The following LRRC4C variants were observed in gnomAD, a reference collection of about 807,000 sequenced individuals.
LRRC4C encodes the protein leucine-rich repeat-containing protein 4C.
Under a neutral mutation model 33.6 loss-of-function variants are expected in LRRC4C, and 5 were observed. That is an observed-to-expected ratio of 0.15 (90% CI 0.08 to 0.31). The LOEUF is 0.31. LRRC4C is among the 10% of genes least tolerant of loss of function. The pLI, the probability that LRRC4C is intolerant of heterozygous loss-of-function variation, is 1.00. For synonymous variants in LRRC4C, 329 were observed against 302.0 expected (o/e 1.09, Z -0.93); for missense variants, 560 against 796.7 (o/e 0.70, Z 3.58).
At chr11:40,654,489 G>C (rs1942992371) in intron 2 of LRRC4C, among the ~76,000 whole-genome samples, 1 of 152,196 alleles carries the variant, frequency 6.6e-6, no homozygotes, top group Non-Finnish European at 1.5e-5. Flanking sequence ...TTTTGGACTT[G>C]CATGGGACCT....
intron 3 of LRRC4C, among the ~76,000 whole-genome samples, chr11:40,328,709 G>C (rs1946211561): frequency 6.6e-6 from 1 of 152,126 alleles, no homozygotes; most frequent in Non-Finnish European, 1.5e-5. Flanking sequence ...TTTTCCCCCA[G>C]AGAATAACTT....
chr11:40,116,159 T>G lies in LRRC4C; in HGVS notation c.134A>C (p.Gln45Pro), dbSNP rs774449600. 6.2e-7 allele frequency: 1 copy of G among 1,613,820 alleles called. No individual in the cohort carries two copies. Among genetic ancestry groups the G allele is most frequent in the Non-Finnish European group, 8.5e-7 (1 of 1,179,964 alleles). The change falls in exon 7 of 7, where the codon CAG (glutamine) becomes CCG (proline). Residue 45 changes from glutamine (Q) to proline (P), a missense_variant. Physicochemically the swap from Gln to Pro is moderately conservative, Grantham distance 76 (BLOSUM62 -1). This residue lies in a region of LRRC4C where 455 missense variants were observed against 643.8 expected (regional missense o/e 0.71). Transcript: ENST00000528697. Reference protein sequence around the residue: ...LLVVAGLVRAQTCPSVCSCSN... With the variant: ...LLVVAGLVRAPTCPSVCSCSN... ...GCAGGAGCACACAGAAGGGCAGGTC[T>G]GAGCCCGCACCAGACCAGCCACCAC...
chr11:40,703,030 A>T (rs1438567645), intron 2 of LRRC4C, among the ~76,000 whole-genome samples: 2 of 152,156 alleles, frequency 1.3e-5, no homozygotes, highest in East Asian at 3.8e-4. Flanking sequence ...GAATAAAGTT[A>T]AGAAATACAG....
chr11:40,224,045 G>A (rs1002434693), intron 5 of LRRC4C, among the ~76,000 whole-genome samples: 1 of 152,196 alleles, frequency 6.6e-6, no homozygotes, highest in Non-Finnish European at 1.5e-5. Context: ...TGAATGGTAT[G>A]TGTGTTTGTG....
intron 2 of LRRC4C, among the ~76,000 whole-genome samples, chr11:40,739,780 T>C (rs141723472): frequency 5.3e-4 from 81 of 152,172 alleles, no homozygotes; most frequent in Non-Finnish European, 9.0e-4. Flanking sequence ...TCTGCCATCA[T>C]TGTAAGTTTC....
intron 2 of LRRC4C, among the ~76,000 whole-genome samples, chr11:40,684,132 G>C (rs1296194025): frequency 6.6e-6 from 1 of 151,600 alleles, no homozygotes; most frequent in Non-Finnish European, 1.5e-5. Flanking sequence ...TAAATAGCTG[G>C]GGTAAAAATA....
At chr11:41,011,380 T>A (rs151001827) in intron 1 of LRRC4C, among the ~76,000 whole-genome samples, 2 of 152,296 alleles carry the variant, frequency 1.3e-5, no homozygotes, top group African/African-American at 2.4e-5. Context: ...CTGCTAATGG[T>A]CAGCTAAATA....
intron 1 of LRRC4C, among the ~76,000 whole-genome samples, chr11:41,445,865 C>CGTGTGTGTGTGTGTCTGT (rs748457357): frequency 7.4e-6 from 1 of 135,446 alleles, no homozygotes; most frequent in Non-Finnish European, 1.6e-5. Context: ...TGAGTGACTG[C>CGTGTGTGTGTGTGTCTGT]ATGTGTGTGT....
chr11:40,564,449 AG>A (rs1565509388), intron 3 of LRRC4C, among the ~76,000 whole-genome samples: 2 of 151,888 alleles, frequency 1.3e-5, no homozygotes, highest in Non-Finnish European at 2.9e-5. Context: ...TGGTGAAAGG[AG>A]CACCCAAATT....
intron 3 of LRRC4C, among the ~76,000 whole-genome samples, chr11:40,531,899 A>G (rs1956286456): frequency 6.6e-6 from 1 of 151,152 alleles, no homozygotes; most frequent in South Asian, 2.1e-4. Context: ...TAACATGGTT[A>G]AGCTTTTGAT....
chr11:40,535,916 G>A (rs562256203), intron 3 of LRRC4C, among the ~76,000 whole-genome samples: 11 of 152,122 alleles, frequency 7.2e-5, no homozygotes, highest in Non-Finnish European at 1.6e-4. Context: ...GGCTTATTTT[G>A]CAGACGCTAT....
chr11:41,121,756 AG>A (rs1037949347), intron 1 of LRRC4C, among the ~76,000 whole-genome samples: 1 of 152,194 alleles, frequency 6.6e-6, no homozygotes, highest in African/African-American at 2.4e-5. Flanking sequence ...ATAAAATAAA[AG>A]GGATGACCCT....
intron 1 of LRRC4C, among the ~76,000 whole-genome samples, chr11:41,209,110 T>G (rs1946717643): frequency 6.6e-6 from 1 of 151,280 alleles, no homozygotes; most frequent in South Asian, 2.1e-4. Flanking sequence ...CTAAGCATAG[T>G]GTTTTGGTGA....
At chr11:41,216,910 T>A (rs1947087882) in intron 1 of LRRC4C, among the ~76,000 whole-genome samples, 1 of 152,236 alleles carries the variant, frequency 6.6e-6, no homozygotes, top group Admixed American at 6.5e-5. Context: ...GCTCACTTGA[T>A]TCTTTAAAGC....
chr11:41,073,810 CT>C (rs1441290226), intron 1 of LRRC4C, among the ~76,000 whole-genome samples: 8 of 152,162 alleles, frequency 5.3e-5, no homozygotes, highest in African/African-American at 1.9e-4. Flanking sequence ...CATTTCATCT[CT>C]TTTCCCCTTG....
chr11:41,451,753 G>T (rs1478625716), intron 1 of LRRC4C, among the ~76,000 whole-genome samples: 1 of 152,122 alleles, frequency 6.6e-6, no homozygotes, highest in South Asian at 2.1e-4. Flanking sequence ...TTGGGCACTG[G>T]AATCAGAACA....
intron 2 of LRRC4C, among the ~76,000 whole-genome samples, chr11:40,865,397 T>C (rs946628290): frequency 1.3e-5 from 2 of 151,924 alleles, no homozygotes; most frequent in African/African-American, 2.4e-5. Context: ...TTAATGACAA[T>C]ATATTTGTTC....
intron 3 of LRRC4C, among the ~76,000 whole-genome samples, chr11:40,455,703 CA>C (rs1310726601): frequency 6.6e-6 from 1 of 152,140 alleles, no homozygotes; most frequent in Non-Finnish European, 1.5e-5. Context: ...CAGAATTCAT[CA>C]AAACCATGTA....
Position 41,457,775 on chromosome 11 carries a change from G to A in LRRC4C, c.-496+1656C>T, listed in dbSNP as rs118119714. Among the ~76,000 whole-genome samples, 521 of 152,100 alleles carry A rather than the reference G, an allele frequency of 3.4e-3. 4 individuals are homozygous for A. Among genetic ancestry groups the A allele is most frequent in the Non-Finnish European group, 5.9e-3 (401 of 67,994 alleles). On this transcript the variant is annotated intron_variant, in intron 1 of 6. Coordinates refer to ENST00000528697, the MANE Select transcript of LRRC4C (RefSeq NM_001258419.2). The stretch of plus-strand genomic sequence containing the variant: ...GTCTTCCCATGGTAATTTTTACCAA[G>A]AGCTCTGCCTGGAGTACCAGGTACA...
Sources: gnomAD v4.1 joint callset for allele counts (sites outside exome capture counted in the v4.1 genomes callset) on GRCh38, gnomAD v4.1.1 for gene constraint, gnomAD v4.1.1 regional missense constraint, MANE v1.5 for transcripts, NCBI Gene and HGNC (gene_info 2026-07-23, HGNC 2026-07-21) for gene names.